The following FGF14 variants were observed in gnomAD, a reference collection of about 807,000 sequenced individuals.
The protein encoded by FGF14 is fibroblast growth factor homologous factor 4.
FGF14 carries 5 observed loss-of-function variants against 25.5 expected under a neutral mutation model. That is an observed-to-expected ratio of 0.20 (90% CI 0.10 to 0.41). The LOEUF (loss-of-function observed/expected upper bound fraction) is 0.41. Ranked by LOEUF, FGF14 falls within the 10% of genes least tolerant of loss-of-function variation. The pLI, the probability that FGF14 is intolerant of heterozygous loss-of-function variation, is 1.00. For synonymous variants in FGF14, 138 were observed against 118.3 expected, an observed-to-expected ratio of 1.17 and a Z score of -1.08; for missense variants, 222 against 320.1, an observed-to-expected ratio of 0.69 and a Z score of 2.34.
At chr13:101,914,055 A>G (rs924263008) in intron 1 of FGF14, among the ~76,000 whole-genome samples, 4 of 152,124 alleles carry the variant, frequency 2.6e-5, no homozygotes, top group Non-Finnish European at 4.4e-5. Context: ...ATAAAGACAT[A>G]TAAAACCATC....
upstream of FGF14, among the ~76,000 whole-genome samples, chr13:101,917,735 T>C (rs747229081): frequency 2.0e-5 from 3 of 151,976 alleles, no homozygotes; most frequent in African/African-American, 7.3e-5. Flanking sequence ...AGGTTTGTCA[T>C]TTTGAAAGGC....
intron 1 of FGF14, among the ~76,000 whole-genome samples, chr13:102,140,715 G>A (rs557884188): frequency 6.6e-6 from 1 of 152,230 alleles, no homozygotes; most frequent in South Asian, 2.1e-4. Flanking sequence ...AATTTTTTGA[G>A]GAGACTCCCT....
intron 1 of FGF14, among the ~76,000 whole-genome samples, chr13:101,926,017 C>G (rs1040838913): frequency 6.6e-6 from 1 of 152,200 alleles, no homozygotes; most frequent in Non-Finnish European, 1.5e-5. Context: ...CCTCCCTCTT[C>G]AAGATCCTAG....
intron 1 of FGF14, among the ~76,000 whole-genome samples, chr13:101,986,764 TAA>T (rs2038603297): frequency 6.6e-6 from 1 of 152,120 alleles, no homozygotes; most frequent in Admixed American, 6.5e-5. Flanking sequence ...AACCCTTGTC[TAA>T]AACTGAACTC....
intron 1 of FGF14, among the ~76,000 whole-genome samples, chr13:102,079,727 G>A (rs138869243): frequency 3.9e-5 from 6 of 152,182 alleles, no homozygotes; most frequent in East Asian, 3.9e-4. Flanking sequence ...AATACTATAC[G>A]TACACACTGA....
intron 1 of FGF14, among the ~76,000 whole-genome samples, chr13:102,013,986 C>G (rs1057011935): frequency 6.6e-6 from 1 of 152,038 alleles, no homozygotes; most frequent in Non-Finnish European, 1.5e-5. Context: ...ATGTCAGGTA[C>G]TTTTAATGTA....
At chr13:102,158,410 T>G (rs922755085) in intron 1 of FGF14, among the ~76,000 whole-genome samples, 2 of 151,110 alleles carry the variant, frequency 1.3e-5, no homozygotes, top group Non-Finnish European at 2.9e-5. Flanking sequence ...CTCAGCAAAC[T>G]ATCACAAGGA....
At chr13:101,889,965 C>T (rs1476935408) in intron 1 of FGF14, among the ~76,000 whole-genome samples, 1 of 152,182 alleles carries the variant, frequency 6.6e-6, no homozygotes, top group Non-Finnish European at 1.5e-5. Flanking sequence ...TAAATATCCC[C>T]ATTTATGAAA....
chr13:102,379,999 G>A (rs2058143244), intron 1 of FGF14, among the ~76,000 whole-genome samples: 1 of 152,164 alleles, frequency 6.6e-6, no homozygotes, highest in Non-Finnish European at 1.5e-5. Context: ...AGAATAGTGA[G>A]TGAGGCTCTG....
chr13:101,821,964 C>T (rs1003828282), intron 3 of FGF14, among the ~76,000 whole-genome samples: 6 of 152,144 alleles, frequency 3.9e-5, no homozygotes, highest in African/African-American at 1.4e-4. Context: ...ATCATCTTTT[C>T]ACTCTCATAA....
At chr13:101,817,797 T>G (rs1347371640) in intron 3 of FGF14, among the ~76,000 whole-genome samples, 1 of 152,182 alleles carries the variant, frequency 6.6e-6, no homozygotes, top group African/African-American at 2.4e-5. Context: ...AGAAAATGAA[T>G]GAAATTTTCC....
At chr13:101,788,893 TATATATATATATATATAG>T (rs1481214323) in intron 3 of FGF14, among the ~76,000 whole-genome samples, 35 of 48,170 alleles carry the variant, frequency 7.3e-4, no homozygotes, top group African/African-American at 1.2e-3. Context: ...TATATATATA[TATATATATATATATATAG>T]AGAGAGAGAG....
At chr13:101,806,496 C>T (rs1355058363) in intron 3 of FGF14, among the ~76,000 whole-genome samples, 1 of 149,458 alleles carries the variant, frequency 6.7e-6, no homozygotes, top group Non-Finnish European at 1.5e-5. Context: ...GTTTTCATTC[C>T]AAAATATGAA....
intron 3 of FGF14, among the ~76,000 whole-genome samples, chr13:101,754,283 C>T (rs2037497598): frequency 6.6e-6 from 1 of 152,148 alleles, no homozygotes; most frequent in Admixed American, 6.5e-5. Flanking sequence ...TTTCCTCCTG[C>T]CTTAATAAAA....
At chr13:102,065,434 C>A (rs749395176) in intron 1 of FGF14, among the ~76,000 whole-genome samples, 1 of 152,040 alleles carries the variant, frequency 6.6e-6, no homozygotes, top group Non-Finnish European at 1.5e-5. Flanking sequence ...GTTTAAAACA[C>A]TCCAAGATAT....
At chr13:101,887,563 G>A (rs181595023) in intron 1 of FGF14, among the ~76,000 whole-genome samples, 5 of 152,136 alleles carry the variant, frequency 3.3e-5, no homozygotes, top group South Asian at 2.1e-4. Context: ...ATAGCAGAAT[G>A]GTGGTTTGCA....
chr13:101,756,391 GTTTTT>G (rs531143901), intron 3 of FGF14, among the ~76,000 whole-genome samples: 1 of 151,858 alleles, frequency 6.6e-6, no homozygotes, highest in Non-Finnish European at 1.5e-5. Context: ...GAGTTTAGTT[GTTTTT>G]TTTATTTGTA....
intron 3 of FGF14, among the ~76,000 whole-genome samples, chr13:101,827,085 A>T (rs924146207): frequency 6.6e-6 from 1 of 152,030 alleles, no homozygotes; most frequent in African/African-American, 2.4e-5. Context: ...CAGCTAGAAG[A>T]GAAAGAAATT....
intron 1 of FGF14, among the ~76,000 whole-genome samples, chr13:102,229,282 A>G (rs557572786): frequency 6.6e-6 from 1 of 152,322 alleles, no homozygotes; most frequent in Admixed American, 6.5e-5. Context: ...AGTATTAATA[A>G]CTAATGTTTA....
Sources: allele counts gnomAD v4.1 joint callset (sites outside exome capture counted in the v4.1 genomes callset), GRCh38; gene constraint gnomAD v4.1.1; transcripts MANE v1.5; gene names NCBI Gene and HGNC (gene_info 2026-07-23, HGNC 2026-07-21).